Variants in ROBO2 observed in about 807,000 individuals in gnomAD.
ROBO2 encodes roundabout guidance receptor 2.
A neutral mutation model predicts 160.8 loss-of-function variants in ROBO2; 53 were observed. That is an observed-to-expected ratio of 0.33 (90% CI 0.26 to 0.41). The LOEUF (loss-of-function observed/expected upper bound fraction) is 0.41. Ranked by LOEUF, ROBO2 falls within the 10% of genes least tolerant of loss-of-function variation. ROBO2 has a pLI of 1.00. For missense variants in ROBO2, 1,577 were observed against 1,722.4 expected, an observed-to-expected ratio of 0.92 and a Z score of 1.49; for synonymous variants, 664 against 611.7, an observed-to-expected ratio of 1.09 and a Z score of -1.26.
chr3:77,442,690 T>C (rs900203719), intron 2 of ROBO2, among the ~76,000 whole-genome samples: 2 of 152,260 alleles, frequency 1.3e-5, no homozygotes, highest in Non-Finnish European at 2.9e-5. Context: ...TGACCCTAAG[T>C]ATTGAGTACC....
At chr3:77,315,446 T>G (rs1304863214) in intron 2 of ROBO2, among the ~76,000 whole-genome samples, 1 of 152,248 alleles carries the variant, frequency 6.6e-6, no homozygotes, top group East Asian at 1.9e-4. Context: ...CAGTAAATGC[T>G]GGTGAAGTTG....
intron 25 of ROBO2, among the ~76,000 whole-genome samples, 165 bp downstream of exon 27, chr3:77,645,069 T>A (rs2095398950): frequency 6.6e-6 from 1 of 152,246 alleles, no homozygotes; most frequent in African/African-American, 2.4e-5. Flanking sequence ...GCCATTGCTA[T>A]ATTTATTGAA....
In ROBO2 at chr3:75,910,837, C is replaced by G. The variant is rs191907893; in HGVS notation, c.-14+3877C>G. Reference sequence around the variant, plus strand: ...CACAAGAGTGAACAAACAGAAGATACTGAACAAATATTCTGTCATAAGTAA... The same window carrying G: ...CACAAGAGTGAACAAACAGAAGATAGTGAACAAATATTCTGTCATAAGTAA... On this transcript the variant is annotated intron_variant, in intron 1 of 26. Coordinates refer to the ROBO2 transcript ENST00000487694. 5.3e-5 allele frequency among the ~76,000 whole-genome samples: 8 copies of G among 152,126 alleles called. No individual in the cohort carries two copies. The South Asian group carries it at 1.7e-3, about 32-fold the overall frequency.
chr3:76,901,693 C>CT (rs1273615035), intron 2 of ROBO2, among the ~76,000 whole-genome samples: 1 of 150,428 alleles, frequency 6.6e-6, no homozygotes, highest in East Asian at 2.0e-4. Flanking sequence ...ATTAATTCAT[C>CT]TTTTTATTTT....
At chr3:77,366,681 T>C (rs890293815) in intron 2 of ROBO2, among the ~76,000 whole-genome samples, 1 of 152,070 alleles carries the variant, frequency 6.6e-6, no homozygotes, top group African/African-American at 2.4e-5. Flanking sequence ...CATTTGCCTC[T>C]GATAAGGGCA....
chr3:76,745,997 A>C (rs866149154), intron 2 of ROBO2, among the ~76,000 whole-genome samples: 1,699 of 117,380 alleles, frequency 0.014, 64 homozygotes, highest in African/African-American at 0.056. Context: ...CCCCACCCCA[A>C]AACAGTCCCC....
intron 2 of ROBO2, among the ~76,000 whole-genome samples, chr3:75,954,295 G>A (rs560064494): frequency 6.6e-6 from 1 of 151,790 alleles, no homozygotes; most frequent in Non-Finnish European, 1.5e-5. Flanking sequence ...CAGCTATAAG[G>A]CTGTGTCTTT....
At chr3:77,321,042 G>A (rs898604458) in intron 2 of ROBO2, among the ~76,000 whole-genome samples, 1 of 152,166 alleles carries the variant, frequency 6.6e-6, no homozygotes, top group African/African-American at 2.4e-5. Context: ...TGACTAAGAA[G>A]ATAGTTAATA....
At chr3:77,406,562 G>T (rs1045671210) in intron 2 of ROBO2, among the ~76,000 whole-genome samples, 2 of 152,118 alleles carry the variant, frequency 1.3e-5, no homozygotes, top group Non-Finnish European at 2.9e-5. Flanking sequence ...GTGCTGACTG[G>T]AAAACAATTT....
chr3:75,976,516 C>A (rs72890322), intron 2 of ROBO2, among the ~76,000 whole-genome samples: 1 of 151,320 alleles, frequency 6.6e-6, no homozygotes, highest in Non-Finnish European at 1.5e-5. Context: ...ACTCTCAGAG[C>A]GGAAGAGAGG....
At chr3:77,547,267 T>C (rs1293950911) in intron 7 of ROBO2, among the ~76,000 whole-genome samples, 3 of 152,104 alleles carry the variant, frequency 2.0e-5, no homozygotes, top group Admixed American at 6.6e-5. Context: ...GTTTGCAAAA[T>C]AATTTATCTG....
intron 2 of ROBO2, among the ~76,000 whole-genome samples, chr3:76,866,051 C>A (rs2071338711): frequency 6.6e-6 from 1 of 151,990 alleles, no homozygotes; most frequent in Non-Finnish European, 1.5e-5. Context: ...TTTATTTGAT[C>A]TTTTCCTATC....
intron 2 of ROBO2, among the ~76,000 whole-genome samples, chr3:76,920,120 A>G (rs1386112599): frequency 6.6e-6 from 1 of 152,194 alleles, no homozygotes; most frequent in Non-Finnish European, 1.5e-5. Flanking sequence ...CAATAAATGT[A>G]TCACTTGGCT....
intron 2 of ROBO2, among the ~76,000 whole-genome samples, chr3:76,937,342 G>T (rs553477247): frequency 2.3e-4 from 29 of 123,782 alleles, no homozygotes; most frequent in African/African-American, 8.7e-4. Context: ...AACTTCCAGG[G>T]TTTTTGTTTT....
intron 2 of ROBO2, among the ~76,000 whole-genome samples, chr3:76,758,783 T>C (rs1446671106): frequency 3.3e-5 from 5 of 151,854 alleles, no homozygotes; most frequent in African/African-American, 1.2e-4. Flanking sequence ...ATTTTCAATG[T>C]TAAAGAAATA....
intron 2 of ROBO2, among the ~76,000 whole-genome samples, chr3:76,574,593 CAT>C (rs1317436053): frequency 6.6e-6 from 1 of 152,104 alleles, no homozygotes; most frequent in East Asian, 1.9e-4. Context: ...ATCTTATGCA[CAT>C]GAGTTTTTCT....
chr3:77,337,447 C>T (rs2153448377), intron 2 of ROBO2, among the ~76,000 whole-genome samples: 1 of 152,204 alleles, frequency 6.6e-6, no homozygotes, highest in Non-Finnish European at 1.5e-5. Context: ...TTAAAGGCTG[C>T]TCAAGTTCAA....
intron 2 of ROBO2, among the ~76,000 whole-genome samples, chr3:77,029,770 C>T (rs999221114): frequency 2.0e-5 from 3 of 151,982 alleles, no homozygotes; most frequent in African/African-American, 7.3e-5. Flanking sequence ...AATCAGAAAC[C>T]ACTGGCCATT....
chr3:76,504,484 T>G (rs1193515142), intron 2 of ROBO2, among the ~76,000 whole-genome samples: 1 of 151,536 alleles, frequency 6.6e-6, no homozygotes, highest in African/African-American at 2.4e-5. Flanking sequence ...GGTTATTCCT[T>G]CACTAAATGT....
Sources: gnomAD v4.1 joint callset for allele counts (sites outside exome capture counted in the v4.1 genomes callset) on GRCh38, gnomAD v4.1.1 for gene constraint, MANE v1.5 for transcripts, NCBI Gene and HGNC (gene_info 2026-07-23, HGNC 2026-07-21) for gene names.